SEPTIN7: variants seen among roughly 807,000 people sequenced by gnomAD.
The protein encoded by SEPTIN7 is septin-7.
In SEPTIN7, 10 loss-of-function variants were observed where a neutral mutation model predicts 63.3. The ratio of observed to expected loss-of-function variants is 0.16; its 90% CI spans 0.10 to 0.27. SEPTIN7 has a LOEUF of 0.27. Ranked by LOEUF, SEPTIN7 falls within the 10% of genes least tolerant of loss-of-function variation. The pLI, the probability that SEPTIN7 is intolerant of heterozygous loss-of-function variation, is 1.00. For missense variants in SEPTIN7, 310 were observed against 521.0 expected (o/e 0.59, Z 3.94); for synonymous variants, 131 against 165.3 (o/e 0.79, Z 1.59).
chr7:35,803,629 G>C (rs111604411), intron 1 of SEPTIN7, among the ~76,000 whole-genome samples: 1 of 152,190 alleles, frequency 6.6e-6, no homozygotes, highest in Non-Finnish European at 1.5e-5. Context: ...TTCACATTTT[G>C]AATTAATAAG....
At chr7:35,883,586 TC>T (rs201895415) in intron 8 of SEPTIN7, among the ~76,000 whole-genome samples, 25 of 147,868 alleles carry the variant, frequency 1.7e-4, no homozygotes, top group East Asian at 6.3e-4. Context: ...TTACCTTTTA[TC>T]CCCCCCCAGG....
intron 11 of SEPTIN7, among the ~76,000 whole-genome samples, chr7:35,896,447 A>G (rs1349630468): frequency 2.0e-5 from 3 of 152,138 alleles, no homozygotes; most frequent in African/African-American, 4.8e-5. Context: ...TTGAAAATCT[A>G]ACAAAAGCTT....
At chr7:35,890,027 G>T (rs1237280460) in intron 10 of SEPTIN7, among the ~76,000 whole-genome samples, 4 of 152,170 alleles carry the variant, frequency 2.6e-5, no homozygotes, top group African/African-American at 9.6e-5. Context: ...CCATAGAGCA[G>T]CTAAGGATAT....
At chr7:35,841,992 T>C (rs920931990) in intron 3 of SEPTIN7, among the ~76,000 whole-genome samples, 1 of 152,136 alleles carries the variant, frequency 6.6e-6, no homozygotes, top group African/African-American at 2.4e-5. Flanking sequence ...GATAATAATA[T>C]CACCTTCTGC....
At chr7:35,897,212 C>T (rs1460970902) in intron 11 of SEPTIN7, among the ~76,000 whole-genome samples, 2 of 152,164 alleles carry the variant, frequency 1.3e-5, no homozygotes, top group Admixed American at 6.5e-5. Flanking sequence ...AATCAATGGT[C>T]AAAGCCTGTT....
At chr7:35,879,593 T>C (rs1164241520) in intron 6 of SEPTIN7, 3 of 340,302 alleles carry the variant, frequency 8.8e-6, no homozygotes, top group African/African-American at 4.2e-5. Flanking sequence ...AATTCCTCTT[T>C]AGGGCCAAAA....
intron 3 of SEPTIN7, among the ~76,000 whole-genome samples, chr7:35,844,022 A>C (rs1784535798): frequency 6.6e-6 from 1 of 152,196 alleles, no homozygotes; most frequent in Non-Finnish European, 1.5e-5. Flanking sequence ...ATAAAGGATG[A>C]GCTCTTTCAT....
intron 3 of SEPTIN7, among the ~76,000 whole-genome samples, chr7:35,860,799 A>G (rs1169452242): frequency 6.6e-6 from 1 of 152,004 alleles, no homozygotes; most frequent in Admixed American, 6.6e-5. Flanking sequence ...TGACAGTTTG[A>G]TTGTAATCGT....
At chr7:35,852,866 T>C (rs1426196831) in intron 3 of SEPTIN7, among the ~76,000 whole-genome samples, 1 of 152,172 alleles carries the variant, frequency 6.6e-6, no homozygotes, top group Non-Finnish European at 1.5e-5. Context: ...TTTAGGAGAA[T>C]ATTCACTGAA....
chr7:35,858,406 C>T lies in SEPTIN7; in HGVS notation c.170-5146C>T, dbSNP rs946455287. ...GAGTCTAGCTCTGTCGCCAGGCTGG[C>T]GTGCAGTAGTGCGATCTTGGCTCAC... On this transcript the variant is annotated intron_variant, in intron 3 of 13. Coordinates refer to ENST00000350320, the MANE Select transcript of SEPTIN7 (RefSeq NM_001788.6). 3.4e-4 allele frequency among the ~76,000 whole-genome samples: 52 copies of T among 152,056 alleles called. 2 individuals are homozygous for T. The highest frequency in any genetic ancestry group is 1.5e-5 in the Non-Finnish European group (1 of 68,002).
chr7:35,882,978 CG>C (rs1786991287), intron 8 of SEPTIN7, among the ~76,000 whole-genome samples: 1 of 151,978 alleles, frequency 6.6e-6, no homozygotes, highest in Non-Finnish European at 1.5e-5. Flanking sequence ...TAAGTTCTAG[CG>C]TTCTGTAGCA....
chr7:35,912,087 A>G (rs1295525207), downstream of SEPTIN7, among the ~76,000 whole-genome samples: 2 of 152,202 alleles, frequency 1.3e-5, no homozygotes, highest in Admixed American at 6.5e-5. Flanking sequence ...CTTTGCTTTT[A>G]TCGATTTGCA....
At chr7:35,832,503 T>C (rs1783882256) in intron 2 of SEPTIN7, among the ~76,000 whole-genome samples, 1 of 152,082 alleles carries the variant, frequency 6.6e-6, no homozygotes. Context: ...GGTTGGTCAA[T>C]CATCTTGTTA....
chr7:35,867,902 T>A (rs1283314371), intron 4 of SEPTIN7, among the ~76,000 whole-genome samples: 1 of 151,902 alleles, frequency 6.6e-6, no homozygotes, highest in African/African-American at 2.4e-5. Flanking sequence ...GATGGAGTCT[T>A]GCTCTGTTGC....
intron 1 of SEPTIN7, among the ~76,000 whole-genome samples, chr7:35,818,275 T>C (rs1293837643): frequency 1.3e-5 from 2 of 152,098 alleles, no homozygotes; most frequent in African/African-American, 4.8e-5. Context: ...GTGTATTACA[T>C]TGATTAATTT....
intron 10 of SEPTIN7, among the ~76,000 whole-genome samples, chr7:35,888,451 A>G (rs1364998777): frequency 6.6e-6 from 1 of 152,170 alleles, no homozygotes; most frequent in Admixed American, 6.5e-5. Context: ...ATTCATGCAA[A>G]CATTTCATGT....
intron 10 of SEPTIN7, among the ~76,000 whole-genome samples, chr7:35,889,513 TTG>T (rs1282442428): frequency 6.6e-6 from 1 of 152,160 alleles, no homozygotes; most frequent in Non-Finnish European, 1.5e-5. Context: ...GGTTCTCTGG[TTG>T]TAAGGAATGA....
intron 6 of SEPTIN7, among the ~76,000 whole-genome samples, chr7:35,876,702 C>T (rs919228926): frequency 6.6e-6 from 1 of 152,130 alleles, no homozygotes; most frequent in African/African-American, 2.4e-5. Flanking sequence ...GGCGCAGTGG[C>T]TCACACCTGT....
At chr7:35,879,717 T>G in intron 6 of SEPTIN7, 106 bp from the exon 7 acceptor site, 1 of 696,388 alleles carries the variant, frequency 1.4e-6, no homozygotes, top group Non-Finnish European at 2.6e-6. Flanking sequence ...GTGTTTCTGA[T>G]AAGTAAGTAA....
Sources: allele counts gnomAD v4.1 joint callset (sites outside exome capture counted in the v4.1 genomes callset), GRCh38; gene constraint gnomAD v4.1.1; transcripts MANE v1.5; gene names NCBI Gene and HGNC (gene_info 2026-07-23, HGNC 2026-07-21).